Variants in CACNA1D observed in about 807,000 individuals in gnomAD.
CACNA1D encodes the protein calcium voltage-gated channel subunit alpha1 D, also known as voltage-dependent L-type calcium channel subunit alpha-1D.
Under a neutral mutation model 257.1 loss-of-function variants are expected in CACNA1D, and 55 were observed. The observed-to-expected ratio is 0.21, with a 90% CI of 0.17 to 0.27. CACNA1D has a LOEUF of 0.27. Among genes scored for constraint, CACNA1D ranks in the 10% least tolerant of loss-of-function variants. The pLI is 1.00. For synonymous variants in CACNA1D, 980 were observed against 1,014.9 expected, an observed-to-expected ratio of 0.97 and a Z score of 0.65; for missense variants, 1,876 against 2,784.0, an observed-to-expected ratio of 0.67 and a Z score of 7.34.
intron 37 of CACNA1D, among the ~76,000 whole-genome samples, chr3:53,777,638 T>C (rs2095405367): frequency 6.6e-6 from 1 of 152,166 alleles, no homozygotes; most frequent in Non-Finnish European, 1.5e-5. Context: ...GACATGGTGC[T>C]CTGTGTTCCA....
chr3:53,621,359 G>T (rs1026978263), intron 3 of CACNA1D, among the ~76,000 whole-genome samples: 4 of 152,150 alleles, frequency 2.6e-5, no homozygotes, highest in Admixed American at 1.3e-4. Context: ...GAGCTAACCT[G>T]TGTGTCCAGA....
chr3:53,724,327 C>A (rs1474517698), intron 14 of CACNA1D, among the ~76,000 whole-genome samples: 1 of 152,148 alleles, frequency 6.6e-6, no homozygotes, highest in Non-Finnish European at 1.5e-5. Flanking sequence ...CTCTAAAATT[C>A]TTTTCTCTTT....
intron 4 of CACNA1D, among the ~76,000 whole-genome samples, chr3:53,658,236 G>A (rs987131602): frequency 2.6e-5 from 4 of 151,338 alleles, no homozygotes; most frequent in Admixed American, 6.6e-5. Flanking sequence ...ACAGAATCAC[G>A]GAATATTAGA....
chr3:53,735,263 C>T, intron 19 of CACNA1D, 111 bp from the exon 20 acceptor site: 1 of 1,038,038 alleles, frequency 9.6e-7, no homozygotes, highest in South Asian at 1.3e-5. Context: ...GGCAGCACAG[C>T]AGACAGCTGC....
chr3:53,625,549 A>C (rs554713854), intron 3 of CACNA1D, among the ~76,000 whole-genome samples: 1 of 152,228 alleles, frequency 6.6e-6, no homozygotes, highest in Admixed American at 6.5e-5. Flanking sequence ...GGGATTTGGG[A>C]GCATTCATGA....
At chr3:53,527,310 A>C (rs1324163436) in intron 3 of CACNA1D, among the ~76,000 whole-genome samples, 1 of 152,202 alleles carries the variant, frequency 6.6e-6, no homozygotes, top group Admixed American at 6.5e-5. Context: ...TGCCTTTCTG[A>C]TGGCTTTGAC....
chr3:53,808,953 A>G, intron 46 of CACNA1D, 183 bp downstream of exon 46: 2 of 651,814 alleles, frequency 3.1e-6, no homozygotes, highest in South Asian at 3.9e-5. Flanking sequence ...CATGCTGCCC[A>G]AGCTCACACA....
At position 53,495,244 on chromosome 3, in the gene CACNA1D, A is replaced by G; in HGVS notation, c.67+11A>G. 2 of 1,613,542 alleles carry G rather than the reference A, an allele frequency of 1.2e-6. No individual in the cohort carries two copies. Among genetic ancestry groups the G allele is most frequent in the South Asian group, 1.1e-5 (1 of 91,048 alleles). On this transcript the variant is annotated intron_variant, in intron 1 of 47. Transcript: ENST00000350061. The surrounding 1 kb of genome is among the most constrained non-coding windows in gnomAD (Gnocchi z 5.1). ...CGGACCACGCGAACGGTGAGCAGCC[A>G]GAGCCCGGGCACCCGCTGCCAAATC...
chr3:53,767,966 C>T (rs2095343911), intron 30 of CACNA1D, among the ~76,000 whole-genome samples: 1 of 152,116 alleles, frequency 6.6e-6, no homozygotes, highest in African/African-American at 2.4e-5. Flanking sequence ...GTTGTGCTGC[C>T]CTCTCCCTTT....
rs114375445 is a variant in CACNA1D at position 53,644,766 on chromosome 3, T to C, written c.484-6013T>C. Among the ~76,000 whole-genome samples the C allele has an allele frequency of 2.3e-3, 344 of 152,360 alleles. 1 individual carries two copies. The highest frequency in any genetic ancestry group is 7.8e-3 in the African/African-American group (323 of 41,578). ...TCCATGTCTTAGCTATTGTGAATAA[T>C]GTTATGAAGAACATGGGCGTGGCAG... On this transcript the variant is annotated intron_variant, in intron 3 of 47. Transcript: ENST00000350061.
chr3:53,563,766 C>G (rs1283391153), intron 3 of CACNA1D, among the ~76,000 whole-genome samples: 1 of 152,116 alleles, frequency 6.6e-6, no homozygotes, highest in Non-Finnish European at 1.5e-5. Flanking sequence ...CATGATCTAT[C>G]TATACTTTGA....
intron 9 of CACNA1D, among the ~76,000 whole-genome samples, chr3:53,717,279 G>C (rs148596359): frequency 6.6e-6 from 1 of 152,346 alleles, no homozygotes; most frequent in African/African-American, 2.4e-5. Context: ...ACAGACCCCT[G>C]AGGTAGCTCT....
chr3:53,795,711 G>A (rs950914387), intron 40 of CACNA1D, among the ~76,000 whole-genome samples: 2 of 151,994 alleles, frequency 1.3e-5, no homozygotes, highest in Non-Finnish European at 2.9e-5. Context: ...TTTTTGATTC[G>A]GTTGTTAAAA....
chr3:53,696,409 C>T (rs1012234264), intron 8 of CACNA1D, among the ~76,000 whole-genome samples: 24 of 152,196 alleles, frequency 1.6e-4, no homozygotes, highest in African/African-American at 5.5e-4. Flanking sequence ...TGCTGTGAGC[C>T]TCAGTGTCTA....
rs776034415 is a variant in CACNA1D at position 53,786,816 on chromosome 3, G to A, written c.4793-6G>A. 2.3e-5 allele frequency: 36 copies of A among 1,534,106 alleles called. No homozygotes were observed. Among genetic ancestry groups the A allele is most frequent in the South Asian group, 4.4e-5 (4 of 90,090 alleles). ...CGGGAGAGCTCTGTCTGGTCTCTCC[G>A]TTTAGATGATGAGGTAACCGTGGGG... On this transcript the variant is annotated splice_region_variant and splice_polypyrimidine_tract_variant and intron_variant, in intron 39 of 47. Coordinates refer to ENST00000350061, the MANE Select transcript of CACNA1D (RefSeq NM_001128840.3).
intron 4 of CACNA1D, among the ~76,000 whole-genome samples, chr3:53,656,748 G>T (rs1369451189): frequency 2.0e-5 from 3 of 152,080 alleles, no homozygotes; most frequent in South Asian, 2.1e-4. Flanking sequence ...ATAGGTAAAA[G>T]ATTTGAACAG....
Position 53,732,075 on chromosome 3 carries a change from T to C in CACNA1D, c.2466T>C (p.Asp822=), listed in dbSNP as rs1167336299. The C allele has an allele frequency of 6.2e-6, 10 of 1,611,754 alleles. No homozygotes were observed. The Admixed American group carries it at 1.0e-4, about 16-fold the overall frequency. Residue 822 remains aspartate (D), a synonymous_variant, in exon 18 of 48, where the codon GAT becomes GAC. Coordinates refer to ENST00000350061, the MANE Select transcript of CACNA1D (RefSeq NM_001128840.3). The part of the protein sequence containing the change: ...DEDKDPYPPC[D]VPVGEEEEEE... ...ACAAGGACCCCTATCCGCCTTGCGA[T>C]GTGCCAGGTATGGTGGCGGAGGCCG...
chr3:53,613,480 G>A (rs747443456), intron 3 of CACNA1D, among the ~76,000 whole-genome samples: 11 of 152,066 alleles, frequency 7.2e-5, no homozygotes, highest in Non-Finnish European at 1.0e-4. Flanking sequence ...TGTGACTTGG[G>A]ATGAGACACT....
intron 9 of CACNA1D, among the ~76,000 whole-genome samples, chr3:53,713,502 A>ATGTGTGTGTG (rs35655186): frequency 7.7e-4 from 100 of 129,450 alleles, no homozygotes; most frequent in Admixed American, 1.5e-3. Context: ...CTCTGTGTGT[A>ATGTGTGTGTG]TGTGTGTGTG....
Sources: gnomAD v4.1 joint callset for allele counts (sites outside exome capture counted in the v4.1 genomes callset) on GRCh38, gnomAD v4.1.1 for gene constraint, Gnocchi (gnomAD v3.1) non-coding constraint, MANE v1.5 for transcripts, NCBI Gene and HGNC (gene_info 2026-07-23, HGNC 2026-07-21) for gene names.